FRMD4A: variants seen among roughly 807,000 people sequenced by gnomAD.
FRMD4A encodes the protein FERM domain containing 4A.
A neutral mutation model predicts 129.1 loss-of-function variants in FRMD4A; 29 were observed. That is an observed-to-expected ratio of 0.22 (90% CI 0.17 to 0.31). The LOEUF (loss-of-function observed/expected upper bound fraction) is 0.31. Among genes scored for constraint, FRMD4A ranks in the 10% least tolerant of loss-of-function variants. FRMD4A has a pLI of 1.00. For synonymous variants in FRMD4A, 634 were observed against 571.6 expected, an observed-to-expected ratio of 1.11 and a Z score of -1.56; for missense variants, 1,272 against 1,375.8, an observed-to-expected ratio of 0.92 and a Z score of 1.19.
intron 12 of FRMD4A, among the ~76,000 whole-genome samples, chr10:13,736,352 G>A (rs77349569): frequency 0.012 from 1,862 of 152,202 alleles, 65 homozygotes; most frequent in South Asian, 0.11. Flanking sequence ...GCCAGAAAAG[G>A]TAAGAACAGG....
At chr10:13,755,015 G>T (rs959625469) in intron 8 of FRMD4A, among the ~76,000 whole-genome samples, 1 of 152,184 alleles carries the variant, frequency 6.6e-6, no homozygotes, top group Admixed American at 6.5e-5. Context: ...TTCTGTAAGT[G>T]CAGGGAAATG....
At chr10:13,680,539 A>G (rs1342345792) in intron 15 of FRMD4A, among the ~76,000 whole-genome samples, 1 of 151,088 alleles carries the variant, frequency 6.6e-6, no homozygotes, top group Non-Finnish European at 1.5e-5. Flanking sequence ...AGCCTGGCCA[A>G]CATGGCGAAA....
chr10:13,775,676 C>T (rs1281105034), intron 6 of FRMD4A, among the ~76,000 whole-genome samples: 2 of 152,096 alleles, frequency 1.3e-5, no homozygotes, highest in African/African-American at 2.4e-5. Context: ...TGCGGCATCC[C>T]GGGTTGAGAC....
In FRMD4A at chr10:13,774,950, G is replaced by GAA. The variant is rs60193088; in HGVS notation, c.384+7970_384+7971dup. Among the ~76,000 whole-genome samples the GAA allele has an allele frequency of 4.9e-3, 624 of 127,092 alleles. 1 individual carries two copies. The highest frequency in any genetic ancestry group is 8.0e-3 in the Non-Finnish European group (457 of 57,382). 83.4% of individuals were successfully genotyped at this position (127,092 alleles called of 152,430 possible). A position where few individuals can be genotyped will look rare whatever the true frequency, so the allele number is the denominator to read the frequency against. ...TATAAAGAAACTCTTAGAAATTTAA[G>GAA]AAAAAAAAAAACAACAAAAAACAAA... On this transcript the variant is annotated intron_variant, in intron 6 of 24. Coordinates refer to ENST00000357447, the MANE Select transcript of FRMD4A (RefSeq NM_018027.5).
At chr10:14,291,396 T>A (rs11258996) in intron 2 of FRMD4A, among the ~76,000 whole-genome samples, 48,716 of 151,968 alleles carry the variant, frequency 0.32, 8,137 homozygotes, top group Middle Eastern at 0.37. Context: ...GACTTAAATA[T>A]AGATATTCTG....
chr10:13,667,955 TAGG>T (rs772722484), intron 17 of FRMD4A: 2 of 152,316 alleles, frequency 1.3e-5, no homozygotes, highest in Admixed American at 6.5e-5. Flanking sequence ...TCTAGCCAAA[TAGG>T]AGGAGATCAA....
At chr10:14,240,793 AC>A (rs1476813787) in intron 2 of FRMD4A, among the ~76,000 whole-genome samples, 2 of 152,090 alleles carry the variant, frequency 1.3e-5, no homozygotes, top group Admixed American at 1.3e-4. Context: ...AATATTCACA[AC>A]CTTAACTTTA....
intron 2 of FRMD4A, among the ~76,000 whole-genome samples, chr10:13,892,209 AC>A (rs1449186457): frequency 1.3e-5 from 2 of 151,158 alleles, no homozygotes; most frequent in Admixed American, 6.6e-5. Context: ...CCCCCACAAA[AC>A]CCACCCAAAG....
At chr10:14,054,550 A>G (rs1441492111) in intron 2 of FRMD4A, among the ~76,000 whole-genome samples, 1 of 151,890 alleles carries the variant, frequency 6.6e-6, no homozygotes, top group Non-Finnish European at 1.5e-5. Flanking sequence ...AGAGTCTTCT[A>G]CACAGCCAGC....
At chr10:13,838,452 G>A (rs1321642757) in intron 3 of FRMD4A, among the ~76,000 whole-genome samples, 1 of 150,674 alleles carries the variant, frequency 6.6e-6, no homozygotes, top group East Asian at 2.0e-4. Context: ...CTGCTTCTCA[G>A]TTTGTTGCAT....
chr10:13,886,071 T>G (rs919955711), intron 2 of FRMD4A, among the ~76,000 whole-genome samples: 14 of 152,146 alleles, frequency 9.2e-5, no homozygotes, highest in African/African-American at 3.1e-4. Context: ...GCTTCCTAGT[T>G]TGGGTTTTAT....
intron 2 of FRMD4A, among the ~76,000 whole-genome samples, chr10:13,884,403 T>C (rs4750436): frequency 0.43 from 65,002 of 151,982 alleles, 14,240 homozygotes; most frequent in East Asian, 0.68. Context: ...TATGGGGTGA[T>C]TACAGTGTTG....
chr10:13,921,845 T>C (rs916184346), intron 2 of FRMD4A, among the ~76,000 whole-genome samples: 2 of 152,190 alleles, frequency 1.3e-5, no homozygotes, highest in Non-Finnish European at 2.9e-5. Context: ...CCTCCGTGTA[T>C]GTTAAGAATT....
intron 2 of FRMD4A, among the ~76,000 whole-genome samples, chr10:14,229,795 TATAAA>T (rs1283571290): frequency 6.6e-6 from 1 of 152,192 alleles, no homozygotes; most frequent in Non-Finnish European, 1.5e-5. Context: ...ACACATCCTA[TATAAA>T]ATATAAAACT....
At chr10:14,176,825 T>G (rs1402592709) in intron 2 of FRMD4A, among the ~76,000 whole-genome samples, 1 of 152,028 alleles carries the variant, frequency 6.6e-6, no homozygotes, top group Non-Finnish European at 1.5e-5. Context: ...CCTTCCTCTA[T>G]CTCCCCAAAG....
chr10:13,888,715 G>A (rs573387893), intron 2 of FRMD4A, among the ~76,000 whole-genome samples: 1 of 152,252 alleles, frequency 6.6e-6, no homozygotes, highest in Admixed American at 6.5e-5. Flanking sequence ...TATCATATCA[G>A]GTGCTACCCC....
intron 2 of FRMD4A, among the ~76,000 whole-genome samples, chr10:14,201,902 G>A (rs746433366): frequency 1.5e-4 from 23 of 152,074 alleles, no homozygotes; most frequent in South Asian, 8.3e-4. Flanking sequence ...AGGCTGAGGC[G>A]GCTGGATCAT....
Position 14,271,435 on chromosome 10 carries a change from A to C in FRMD4A, c.45+58623T>G, listed in dbSNP as rs1488904531. The stretch of plus-strand genomic sequence containing the variant: ...CACTCACATACAAACCCACATTCAC[A>C]CTGGGACATGAACCTCACATGCATA... On this transcript the variant is annotated intron_variant, in intron 2 of 24. Transcript: ENST00000357447. Among the ~76,000 whole-genome samples the C allele has an allele frequency of 2.0e-5, 3 of 152,232 alleles. No individual in the cohort carries two copies. In the East Asian group the frequency reaches 5.8e-4, roughly 29 times the overall value.
At chr10:14,272,082 G>A (rs1845180455) in intron 2 of FRMD4A, among the ~76,000 whole-genome samples, 1 of 152,114 alleles carries the variant, frequency 6.6e-6, no homozygotes, top group Non-Finnish European at 1.5e-5. Flanking sequence ...AGGCCATACA[G>A]CAGCATGAAC....
Sources: gnomAD v4.1 joint callset for allele counts (sites outside exome capture counted in the v4.1 genomes callset) on GRCh38, gnomAD v4.1.1 for gene constraint, MANE v1.5 for transcripts, NCBI Gene and HGNC (gene_info 2026-07-23, HGNC 2026-07-21) for gene names.